Variants in HEATR1 observed in about 807,000 individuals in gnomAD.
The protein encoded by HEATR1 is HEAT repeat-containing protein 1.
Under a neutral mutation model 248.2 loss-of-function variants are expected in HEATR1, and 77 were observed. The observed-to-expected ratio is 0.31, with a 90% CI of 0.26 to 0.37. The LOEUF (loss-of-function observed/expected upper bound fraction) is 0.37. Ranked by LOEUF, HEATR1 falls within the 10% of genes least tolerant of loss-of-function variation. HEATR1 has a pLI of 1.00. For missense variants in HEATR1, 2,420 were observed against 2,504.9 expected (o/e 0.97, Z 0.72); for synonymous variants, 897 against 923.1 (o/e 0.97, Z 0.51).
chr1:236,594,225 T>TA (rs769493474), intron 8 of HEATR1, 111 bp from the exon 9 acceptor site: 95 of 618,126 alleles, frequency 1.5e-4, no homozygotes, highest in Non-Finnish European at 2.4e-4. Flanking sequence ...CACACACTGA[T>TA]ATCCAGCTTT....
chr1:236,594,269 A>ATAAAT (rs1664118098), intron 8 of HEATR1, among the ~76,000 whole-genome samples, 155 bp from the exon 9 acceptor site: 1 of 152,196 alleles, frequency 6.6e-6, no homozygotes, highest in South Asian at 2.1e-4. Flanking sequence ...CCACTTATTT[A>ATAAAT]GTCATTTATA....
intron 32 of HEATR1, among the ~76,000 whole-genome samples, chr1:236,564,150 C>T (rs1663208664): frequency 6.6e-6 from 1 of 152,154 alleles, no homozygotes; most frequent in South Asian, 2.1e-4. Context: ...AATTTATCTA[C>T]TCTGCTGGTA....
At position 236,571,466 on chromosome 1, in the gene HEATR1, A is replaced by G. The variant is rs758015784; in HGVS notation, c.3833T>C (p.Leu1278Ser). The G allele has an allele frequency of 5.0e-6, 8 of 1,613,652 alleles. No individual in the cohort carries two copies. The Admixed American group carries it at 8.3e-5, about 17-fold the overall frequency. Residue 1278 changes from leucine (L) to serine (S), a missense_variant, in exon 28 of 45, where the codon TTA becomes TCA. Coordinates refer to ENST00000366582, the MANE Select transcript of HEATR1 (RefSeq NM_018072.6). ...PDGGKIPKDI[L>S]DEEKFNVELI... ...CTCCACGTTGAACTTCTCCTCATCT[A>G]AAATATCTACAATGGTGAGAAAGAC...
At chr1:236,576,701 T>G in intron 21 of HEATR1, 79 bp downstream of exon 21, 14 of 1,319,862 alleles carry the variant, frequency 1.1e-5, no homozygotes, top group Non-Finnish European at 1.5e-5. Context: ...CCCTACACAG[T>G]GAAATGTCGA....
intron 32 of HEATR1, among the ~76,000 whole-genome samples, chr1:236,562,936 T>A (rs769124270): frequency 0.04 from 2,051 of 50,894 alleles, 25 homozygotes; most frequent in Non-Finnish European, 0.13. Flanking sequence ...AACAATATTA[T>A]ATAACAGTGG....
At chr1:236,574,110 A>G in intron 24 of HEATR1, 92 bp downstream of exon 24, 1 of 1,128,812 alleles carries the variant, frequency 8.9e-7, no homozygotes. Flanking sequence ...ACCTCTTACA[A>G]GCACTATAAA....
Position 236,585,198 on chromosome 1 carries a change from C to A in HEATR1, c.2068G>T (p.Val690Leu), listed in dbSNP as rs111453499. The change falls in exon 17 of 45, where the codon GTG (valine) becomes TTG (leucine). Residue 690 changes from valine to leucine, a missense_variant. By Grantham distance (32) the Val-to-Leu change is conservative (BLOSUM62 1). Coordinates refer to ENST00000366582, the MANE Select transcript of HEATR1 (RefSeq NM_018072.6). ...MLKMVEDLIS[V>L]GEEESFNLKQ... ...AGGTTAAAGGACTCCTCCTCACCCA[C>A]GCTTATTAAATCCTCCACCTTGAAA... 4 of 1,610,634 alleles carry A rather than the reference C, an allele frequency of 2.5e-6. No individual in the cohort carries two copies. The highest frequency in any genetic ancestry group is 3.4e-5 in the Admixed American group (2 of 59,190).
At position 236,592,644 on chromosome 1, in the gene HEATR1, AAAAAC is replaced by A; in HGVS notation, c.1194-16_1194-12del. On this transcript the variant is annotated splice_polypyrimidine_tract_variant and intron_variant, in intron 9 of 44. Coordinates refer to ENST00000366582, the MANE Select transcript of HEATR1 (RefSeq NM_018072.6). ...TCTTCAAATAGAAGGCTGTAAAAAA[AAAAAC>A]AGAAATATCAGCATACATAAGAGTT... The A allele has an allele frequency of 4.5e-6, 5 of 1,119,056 alleles. No homozygotes were observed. Among genetic ancestry groups the A allele is most frequent in the Non-Finnish European group, 5.3e-6 (4 of 754,914 alleles). 69.3% of individuals were successfully genotyped at this position (1,119,056 alleles called of 1,614,324 possible).
At position 236,594,004 on chromosome 1, in the gene HEATR1, T is replaced by C. The variant is rs1664110314; in HGVS notation, c.1193+8A>G. ...TAAATCAAAAGCATGTCAAAAATAA[T>C]AGCTTACCTAGCCAACAAATGGTCT... On this transcript the variant is annotated splice_region_variant and intron_variant, in intron 9 of 44. Coordinates refer to ENST00000366582, the MANE Select transcript of HEATR1 (RefSeq NM_018072.6). 2.6e-6 allele frequency: 4 copies of C among 1,543,334 alleles called. No individual in the cohort carries two copies. Among genetic ancestry groups the C allele is most frequent in the East Asian group, 2.3e-5 (1 of 43,414 alleles).
intron 20 of HEATR1, among the ~76,000 whole-genome samples, chr1:236,580,519 C>CTTTTTTTTTTTTTTTT (rs10692063): frequency 7.6e-6 from 1 of 132,128 alleles, no homozygotes; most frequent in South Asian, 2.3e-4. Context: ...ATGTACAGCC[C>CTTTTTTTTTTTTTTTT]TTTTTTTTTT....
chr1:236,559,933 G>A (rs538451069), intron 33 of HEATR1, 96 bp from the exon 34 acceptor site: 9 of 1,278,530 alleles, frequency 7.0e-6, no homozygotes, highest in East Asian at 5.1e-5. Flanking sequence ...GTAGAAAGAC[G>A]AGTTAAATAA....
At chr1:236,556,033 T>C in intron 38 of HEATR1, 67 bp downstream of exon 38, 1 of 1,606,796 alleles carries the variant, frequency 6.2e-7, no homozygotes, top group South Asian at 1.1e-5. Context: ...CTTCTTTAAG[T>C]CAAAGTTTAC....
chr1:236,580,966 C>T (rs1454806861), intron 20 of HEATR1, among the ~76,000 whole-genome samples: 1 of 151,452 alleles, frequency 6.6e-6, no homozygotes, highest in Admixed American at 6.6e-5. Flanking sequence ...ATTACAGGCA[C>T]ATGCCACCAC....
rs375206460 is a variant in HEATR1, at chr1:236,581,324, C to T, written c.2653G>A (p.Val885Met). ...SSLSNPLNCS[V>M]KTVLQTQALY... ...GCTTGAGTCTGCAGCACTGTTTTCA[C>T]ACTGCAGTTTAGTGGATTTGAAAGG... The change falls in exon 20 of 45, where the codon GTG (valine) becomes ATG (methionine). Residue 885 changes from valine (V) to methionine (M), a missense_variant. Physicochemically the swap from Val to Met is conservative, Grantham distance 21. Coordinates refer to ENST00000366582, the MANE Select transcript of HEATR1 (RefSeq NM_018072.6). The T allele has an allele frequency of 1.9e-6, 3 of 1,612,840 alleles. No homozygotes were observed. The highest frequency in any genetic ancestry group is 2.5e-6 in the Non-Finnish European group (3 of 1,179,622).
In HEATR1 at chr1:236,550,948, T is replaced by C; in HGVS notation, c.6389A>G (p.Gln2130Arg). 1.2e-6 allele frequency: 2 copies of C among 1,606,818 alleles called. No individual in the cohort carries two copies. The highest frequency in any genetic ancestry group is 1.7e-6 in the Non-Finnish European group (2 of 1,177,968). Reference protein sequence around the residue: ...EVEHQCQKTIQQLETVLGEPL... With the variant: ...EVEHQCQKTIRQLETVLGEPL... ...CTCTCCCAGGACAGTTTCCAGTTGCTGAATAGTCTTTTGGCACTGATGTTC... is the reference window on the plus strand; with the variant it reads ...CTCTCCCAGGACAGTTTCCAGTTGCCGAATAGTCTTTTGGCACTGATGTTC... Residue 2130 changes from glutamine (Q) to arginine (R), a missense_variant, in exon 45 of 45, where the codon CAG (glutamine) becomes CGG (arginine). Coordinates refer to ENST00000366582, the MANE Select transcript of HEATR1 (RefSeq NM_018072.6).
chr1:236,587,083 A>G (rs752265000), intron 14 of HEATR1, among the ~76,000 whole-genome samples: 36 of 152,156 alleles, frequency 2.4e-4, no homozygotes, highest in Non-Finnish European at 4.9e-4. Flanking sequence ...TTTTAATTAT[A>G]AAGTAAAAAT....
rs547940210 is a variant in HEATR1 at position 236,587,451 on chromosome 1, T to C, written c.1666A>G (p.Asn556Asp). The C allele has an allele frequency of 4.7e-5, 72 of 1,542,256 alleles. No individual in the cohort carries two copies. Among genetic ancestry groups the C allele is most frequent in the Middle Eastern group, 1.9e-4 (1 of 5,364 alleles). The change falls in exon 14 of 45, where the codon AAT becomes GAT. Residue 556 changes from asparagine to aspartate, a missense_variant. By Grantham distance (23) the Asn-to-Asp change is conservative (BLOSUM62 1). Transcript: ENST00000366582. The part of the protein sequence containing the change: ...EHFSSEVTIS[N>D]LLNLFQRAEL... The stretch of plus-strand genomic sequence containing the variant: ...GCTCTTTGAAAGAGATTCAGAAGAT[T>C]TGAAATCGTCACTTCTGAACTGAAG...
At chr1:236,554,021 T>A (rs1662864250) in intron 42 of HEATR1, among the ~76,000 whole-genome samples, 1 of 152,150 alleles carries the variant, frequency 6.6e-6, no homozygotes, top group Non-Finnish European at 1.5e-5. Flanking sequence ...TGAGGCCCAG[T>A]TAAAACAAAT....
In HEATR1 at chr1:236,550,727, C is replaced by G. The variant is rs1662690553; in HGVS notation, c.*175G>C. 2 of 551,644 alleles carry G rather than the reference C, an allele frequency of 3.6e-6. No homozygotes were observed. Among genetic ancestry groups the G allele is most frequent in the Non-Finnish European group, 6.4e-6 (2 of 314,714 alleles). The allele number at this position is 551,644 out of a possible 1,614,324, so 34.2% of individuals were successfully genotyped here. A position where few individuals can be genotyped will look rare whatever the true frequency, so the allele number is the denominator to read the frequency against. ...AGCTCTATACGATAGGCAGGAGAGG[C>G]TTATGTGGCAGCACAAGCCAGGTGG... On this transcript the variant is annotated 3_prime_UTR_variant, in exon 45 of 45. Coordinates refer to ENST00000366582, the MANE Select transcript of HEATR1 (RefSeq NM_018072.6).
Sources: allele counts gnomAD v4.1 joint callset (sites outside exome capture counted in the v4.1 genomes callset), GRCh38; gene constraint gnomAD v4.1.1; transcripts MANE v1.5; gene names NCBI Gene and HGNC (gene_info 2026-07-23, HGNC 2026-07-21).